Variants in TTC7B observed in about 807,000 individuals in gnomAD.
TTC7B encodes tetratricopeptide repeat domain 7B.
Under a neutral mutation model 106.8 loss-of-function variants are expected in TTC7B, and 28 were observed. That is an observed-to-expected ratio of 0.26 (90% CI 0.19 to 0.36). TTC7B has a LOEUF of 0.36. Ranked by LOEUF, TTC7B falls within the 10% of genes least tolerant of loss-of-function variation. TTC7B has a pLI of 1.00. For synonymous variants in TTC7B, 405 were observed against 430.6 expected (o/e 0.94, Z 0.74); for missense variants, 862 against 1,076.4 (o/e 0.80, Z 2.79).
intron 1 of TTC7B, among the ~76,000 whole-genome samples, chr14:90,815,190 C>A (rs2031100723): frequency 6.6e-6 from 1 of 152,218 alleles, no homozygotes; most frequent in Non-Finnish European, 1.5e-5. Flanking sequence ...ATGAGACAAA[C>A]CCTCTGCCCT....
intron 6 of TTC7B, among the ~76,000 whole-genome samples, chr14:90,690,341 A>G (rs1040020530): frequency 1.3e-5 from 2 of 152,232 alleles, no homozygotes; most frequent in Non-Finnish European, 2.9e-5. Context: ...CGATCAAGAA[A>G]GACCTTTCTT....
At chr14:90,551,421 A>G (rs116494279) in intron 19 of TTC7B, among the ~76,000 whole-genome samples, 2,454 of 152,234 alleles carry the variant, frequency 0.016, 71 homozygotes, top group African/African-American at 0.056. Flanking sequence ...GACCTGAGGA[A>G]AATGAGGACC....
intron 5 of TTC7B, among the ~76,000 whole-genome samples, chr14:90,715,684 G>T (rs116989552): frequency 6.6e-6 from 1 of 152,134 alleles, no homozygotes; most frequent in African/African-American, 2.4e-5. Context: ...GTGAACCCAG[G>T]AGCAGGATCC....
rs145107125 is a variant in TTC7B at position 90,627,404 on chromosome 14, C to CGCA, written c.1752-9362_1752-9360dup. 7.6e-3 allele frequency among the ~76,000 whole-genome samples: 1,164 copies of CGCA among 152,296 alleles called. 8 individuals are homozygous for CGCA. Among genetic ancestry groups the CGCA allele is most frequent in the African/African-American group, 0.026 (1,079 of 41,566 alleles). On this transcript the variant is annotated intron_variant, in intron 15 of 19. Transcript: ENST00000328459. ...CTCCAGTCTCACCCATCAGTGTGAG[C>CGCA]GCAAGGCTGCATCATCCTAACCTAG...
chr14:90,672,193 G>C (rs547266093), intron 9 of TTC7B, among the ~76,000 whole-genome samples: 1 of 152,256 alleles, frequency 6.6e-6, no homozygotes, highest in Admixed American at 6.5e-5. Context: ...ACAAGGACAG[G>C]GTGAGAAGGA....
Position 90,670,462 on chromosome 14 carries a change from A to G in TTC7B, c.1152+6061T>C, listed in dbSNP as rs146657892. Among the ~76,000 whole-genome samples, 3 of 152,356 alleles carry G rather than the reference A, an allele frequency of 2.0e-5. 1 individual carries two copies. The East Asian group carries it at 5.8e-4, about 29-fold the overall frequency. ...TGCACAACATCGTGAATGTAATTAA[A>G]TGCAACGGAATTTTACACTTTAAAA... On this transcript the variant is annotated intron_variant, in intron 9 of 19. Coordinates refer to ENST00000328459, the MANE Select transcript of TTC7B (RefSeq NM_001010854.2).
rs1888286775 is a variant in TTC7B, at chr14:90,708,142, T to C, written c.699-12564A>G. 4.1e-5 allele frequency among the ~76,000 whole-genome samples: 3 copies of C among 72,742 alleles called. No individual in the cohort carries two copies. In the Admixed American group the frequency reaches 6.2e-4, roughly 15 times the overall value. 47.7% of individuals were successfully genotyped at this position (72,742 alleles called of 152,430 possible). On this transcript the variant is annotated intron_variant, in intron 5 of 19. Coordinates refer to ENST00000328459, the MANE Select transcript of TTC7B (RefSeq NM_001010854.2). The stretch of plus-strand genomic sequence containing the variant: ...GCCCAGGCGACAGTGCGAGACTCCA[T>C]CTCAAAAAAAAAAAAAAAAAAAAAA...
At chr14:90,586,069 G>A (rs1891696247) in intron 18 of TTC7B, among the ~76,000 whole-genome samples, 2 of 152,238 alleles carry the variant, frequency 1.3e-5, no homozygotes, top group Non-Finnish European at 2.9e-5. Context: ...GGCTCAGTGG[G>A]AGTGGGAATA....
rs1375710825 is a variant in TTC7B, at chr14:90,526,505, A to C, written c.*14863T>G. 2.0e-5 allele frequency: 3 copies of C among 152,248 alleles called. No individual in the cohort carries two copies. The highest frequency in any genetic ancestry group is 6.5e-5 in the Admixed American group (1 of 15,278). 9.4% of individuals were successfully genotyped at this position (152,248 alleles called of 1,614,324 possible). On this transcript the variant is annotated 3_prime_UTR_variant, in exon 20 of 20. Transcript: ENST00000328459. ...GATAAATTACTAGTAACCAAACTCC[A>C]GACTTTATTTAGATGTCAGCAGCTT...
intron 4 of TTC7B, among the ~76,000 whole-genome samples, chr14:90,731,219 G>A (rs1160131110): frequency 1.3e-5 from 2 of 152,134 alleles, no homozygotes; most frequent in African/African-American, 4.8e-5. Flanking sequence ...CCAAAGTGCT[G>A]GGATTACAGG....
rs1044815961 is a variant in TTC7B at position 90,530,300 on chromosome 14, T to C, written c.*11068A>G. On this transcript the variant is annotated 3_prime_UTR_variant, in exon 20 of 20. Transcript: ENST00000328459. ...AAAAAAATCTATACTCATGGGAGAA[T>C]GCTGCAAGACAACAGGCCAAAATGC... The C allele has an allele frequency of 6.6e-6, 1 of 152,144 alleles. No individual in the cohort carries two copies. The highest frequency in any genetic ancestry group is 2.4e-5 in the African/African-American group (1 of 41,416). 9.4% of individuals were successfully genotyped at this position (152,144 alleles called of 1,614,324 possible). A position where few individuals can be genotyped will look rare whatever the true frequency, so the allele number is the denominator to read the frequency against.
intron 3 of TTC7B, among the ~76,000 whole-genome samples, chr14:90,753,372 A>T (rs1319398808): frequency 1.3e-5 from 2 of 152,252 alleles, no homozygotes; most frequent in Non-Finnish European, 2.9e-5. Context: ...TTCAAAGGTG[A>T]TAAGACAACG....
At chr14:90,720,842 C>G (rs1418680638) in intron 5 of TTC7B, among the ~76,000 whole-genome samples, 2 of 152,188 alleles carry the variant, frequency 1.3e-5, no homozygotes, top group African/African-American at 4.8e-5. Context: ...GTTTTTTCTT[C>G]TCCTGCTGGA....
intron 18 of TTC7B, among the ~76,000 whole-genome samples, chr14:90,589,519 A>G (rs1360056865): frequency 6.6e-6 from 1 of 152,260 alleles, no homozygotes; most frequent in Non-Finnish European, 1.5e-5. Flanking sequence ...ACAAGAAGAC[A>G]AAGTTTGTAC....
chr14:90,549,277 C>A (rs1889973488), intron 19 of TTC7B, among the ~76,000 whole-genome samples: 1 of 152,190 alleles, frequency 6.6e-6, no homozygotes, highest in Admixed American at 6.5e-5. Context: ...GGCTGAGGAC[C>A]AGGATCAGTG....
intron 16 of TTC7B, among the ~76,000 whole-genome samples, chr14:90,614,859 C>T (rs1393390875): frequency 6.6e-6 from 1 of 152,186 alleles, no homozygotes; most frequent in Admixed American, 6.5e-5. Context: ...TTCAGGGAGC[C>T]TGCTGGGACC....
intron 1 of TTC7B, among the ~76,000 whole-genome samples, chr14:90,793,204 A>C (rs1299983139): frequency 6.6e-6 from 1 of 152,036 alleles, no homozygotes; most frequent in Admixed American, 6.6e-5. Flanking sequence ...AGACCTCCCC[A>C]GCCATGTGGA....
chr14:90,554,788 C>A (rs1890234531), intron 19 of TTC7B, among the ~76,000 whole-genome samples: 1 of 152,218 alleles, frequency 6.6e-6, no homozygotes, highest in Non-Finnish European at 1.5e-5. Context: ...GGCGGAAGCT[C>A]AGGGTCAGGG....
chr14:90,560,468 A>C (rs1215259678), intron 19 of TTC7B, among the ~76,000 whole-genome samples: 1 of 152,242 alleles, frequency 6.6e-6, no homozygotes, highest in East Asian at 1.9e-4. Context: ...TCCAAAGCAC[A>C]CTGTCGTCTT....
Sources: allele counts gnomAD v4.1 joint callset (sites outside exome capture counted in the v4.1 genomes callset), GRCh38; gene constraint gnomAD v4.1.1; transcripts MANE v1.5; gene names NCBI Gene and HGNC (gene_info 2026-07-23, HGNC 2026-07-21).